Variants in MCM9 observed in about 807,000 individuals in gnomAD.
MCM9 encodes the protein DNA helicase MCM9.
A neutral mutation model predicts 72.8 loss-of-function variants in MCM9; 55 were observed. The observed-to-expected ratio is 0.76, with a 90% CI of 0.61 to 0.95. The LOEUF (loss-of-function observed/expected upper bound fraction) is 0.95, where lower values mean the gene tolerates loss of function less well. Among genes scored for constraint, MCM9 ranks in the 40% least tolerant of loss-of-function variants. The pLI, the probability that MCM9 is intolerant of heterozygous loss-of-function variation, is 0.00. For missense variants in MCM9, 1,279 were observed against 1,377.0 expected, an observed-to-expected ratio of 0.93 and a Z score of 1.13; for synonymous variants, 480 against 503.4, an observed-to-expected ratio of 0.95 and a Z score of 0.62.
intron 8 of MCM9, among the ~76,000 whole-genome samples, chr6:118,882,830 T>TAA (rs199795700): frequency 9.3e-5 from 14 of 150,994 alleles, no homozygotes; most frequent in South Asian, 2.1e-4. Flanking sequence ...CAAACAACAA[T>TAA]AAAAAAAAGG....
chr6:118,933,074 C>T (rs749248789), intron 1 of MCM9, among the ~76,000 whole-genome samples: 19 of 152,214 alleles, frequency 1.2e-4, no homozygotes, highest in South Asian at 4.1e-4. Context: ...GCAAATAAAA[C>T]GAAACAGTGC....
At chr6:118,896,081 A>G (rs1283672615) in intron 8 of MCM9, among the ~76,000 whole-genome samples, 1 of 150,766 alleles carries the variant, frequency 6.6e-6, no homozygotes, top group Non-Finnish European at 1.5e-5. Context: ...GCATAAATGC[A>G]CATACATATA....
At chr6:118,831,983 T>C (rs1172765967) in intron 9 of MCM9, among the ~76,000 whole-genome samples, 3 of 152,188 alleles carry the variant, frequency 2.0e-5, no homozygotes, top group Non-Finnish European at 2.9e-5. Flanking sequence ...AACCTAGATC[T>C]GCTGGGCTCC....
chr6:118,837,426 T>A (rs562467241), intron 9 of MCM9, among the ~76,000 whole-genome samples: 2 of 152,314 alleles, frequency 1.3e-5, no homozygotes, highest in East Asian at 1.9e-4. Context: ...ATATCCTTGT[T>A]AATTTTCTGT....
chr6:118,917,523 C>T lies in MCM9; in HGVS notation c.904+38G>A, dbSNP rs1243582549. 1.9e-6 allele frequency: 3 copies of T among 1,570,318 alleles called. No homozygotes were observed. The African/African-American group carries it at 4.1e-5, about 21-fold the overall frequency. On this transcript the variant is annotated intron_variant, in intron 6 of 13. Transcript: ENST00000619706. ...TCATATTTAACCACTGAATGTAATA[C>T]CATTAATAATAATCAGTTTTAGCCC...
At chr6:118,829,657 A>G (rs781679275) in intron 9 of MCM9, among the ~76,000 whole-genome samples, 2 of 152,246 alleles carry the variant, frequency 1.3e-5, no homozygotes, top group Non-Finnish European at 2.9e-5. Context: ...CTATGTGGAT[A>G]GAAAAGATGA....
chr6:118,931,200 C>T lies in MCM9; in HGVS notation c.304+220G>A, dbSNP rs116103059. The stretch of plus-strand genomic sequence containing the variant: ...AATATATAGACACACAAGTATACTG[C>T]TGTCTCCACACATTCTCCCTCCCCT... On this transcript the variant is annotated intron_variant, in intron 3 of 13. Transcript: ENST00000619706. Among the ~76,000 whole-genome samples the T allele has an allele frequency of 3.4e-3, 522 of 152,278 alleles. 4 individuals are homozygous for T. The highest frequency in any genetic ancestry group is 0.012 in the African/African-American group (505 of 41,542).
chr6:118,861,778 T>G (rs1039903314), intron 8 of MCM9, among the ~76,000 whole-genome samples: 2 of 152,126 alleles, frequency 1.3e-5, no homozygotes, highest in South Asian at 4.1e-4. Flanking sequence ...CACTTCAGGT[T>G]GTGGACTCCA....
At chr6:118,871,344 A>T (rs565815611) in intron 8 of MCM9, among the ~76,000 whole-genome samples, 1 of 152,248 alleles carries the variant, frequency 6.6e-6, no homozygotes, top group Non-Finnish European at 1.5e-5. Flanking sequence ...AGTAAATATG[A>T]TTCCCCATAT....
chr6:118,866,291 C>A (rs992128155), intron 8 of MCM9, among the ~76,000 whole-genome samples: 14 of 152,140 alleles, frequency 9.2e-5, no homozygotes, highest in African/African-American at 3.1e-4. Flanking sequence ...ACACAGAAAC[C>A]AAAATAGAGA....
chr6:118,924,850 C>A (rs1209892520), intron 3 of MCM9, among the ~76,000 whole-genome samples: 1 of 152,122 alleles, frequency 6.6e-6, no homozygotes, highest in Non-Finnish European at 1.5e-5. Flanking sequence ...TCAAGACTAG[C>A]CTGGGCAACA....
At chr6:118,894,150 T>C in intron 8 of MCM9, 1 of 1,231,024 alleles carries the variant, frequency 8.1e-7, no homozygotes, top group Non-Finnish European at 1.0e-6. Flanking sequence ...AGGAGGAGGG[T>C]CAGAACTCGG....
At chr6:118,920,144 G>C (rs558509728) in intron 5 of MCM9, 2 of 152,340 alleles carry the variant, frequency 1.3e-5, no homozygotes, top group East Asian at 3.9e-4. Flanking sequence ...TGTTCAGGCT[G>C]AGCTTATATA....
At chr6:118,878,581 T>C (rs923367691) in intron 8 of MCM9, among the ~76,000 whole-genome samples, 3 of 152,078 alleles carry the variant, frequency 2.0e-5, no homozygotes, top group Non-Finnish European at 4.4e-5. Context: ...GAAAAGGGAA[T>C]AGAATTACAT....
chr6:118,890,366 T>C (rs945670737), intron 8 of MCM9, among the ~76,000 whole-genome samples: 1 of 152,252 alleles, frequency 6.6e-6, no homozygotes, highest in Non-Finnish European at 1.5e-5. Context: ...TCATTTGTTA[T>C]ATGGGATGAT....
chr6:118,904,398 T>C (rs1423679785), intron 8 of MCM9, among the ~76,000 whole-genome samples: 1 of 152,200 alleles, frequency 6.6e-6, no homozygotes, highest in Non-Finnish European at 1.5e-5. Context: ...AAAGTGCTCA[T>C]CTAGGCCCAG....
chr6:118,875,049 G>A (rs1157217459), intron 8 of MCM9, among the ~76,000 whole-genome samples: 3 of 152,178 alleles, frequency 2.0e-5, no homozygotes, highest in African/African-American at 7.2e-5. Context: ...GGAGGCAGAG[G>A]TTGCAGTGAG....
Position 118,893,934 on chromosome 6 carries a change from C to G in MCM9, c.1150+17716G>C, listed in dbSNP as rs1205038774. On this transcript the variant is annotated intron_variant, in intron 8 of 13. Transcript: ENST00000619706. The stretch of plus-strand genomic sequence containing the variant: ...CCGGATCGCGCCCTCCCGCCGCAGC[C>G]ACGCCTCCCCGCCGCGGCCACGCCC... 7.0e-6 allele frequency: 6 copies of G among 855,044 alleles called. No individual in the cohort carries two copies. In the Admixed American group the frequency reaches 3.8e-4, roughly 54 times the overall value. The allele number at this position is 855,044 out of a possible 1,614,324, so 53.0% of individuals were successfully genotyped here.
rs564389402 is a variant in MCM9 at position 118,840,738 on chromosome 6, C to G, written c.1326-11488G>C. Among the ~76,000 whole-genome samples, 257 of 105,112 alleles carry G rather than the reference C, an allele frequency of 2.4e-3. 2 individuals carry two copies. Among genetic ancestry groups the G allele is most frequent in the Middle Eastern group, 0.014 (3 of 208 alleles). 69.0% of individuals were successfully genotyped at this position (105,112 alleles called of 152,430 possible). A position where few individuals can be genotyped will look rare whatever the true frequency, so the allele number is the denominator to read the frequency against. On this transcript the variant is annotated intron_variant, in intron 9 of 13. Coordinates refer to ENST00000619706, the MANE Select transcript of MCM9 (RefSeq NM_017696.3). ...AGGTACATATATTCTCTCCTCCCCC[C>G]CCCCTTTTTTTTTTTTTGAGACAGG...
Sources: allele counts gnomAD v4.1 joint callset (sites outside exome capture counted in the v4.1 genomes callset), GRCh38; gene constraint gnomAD v4.1.1; transcripts MANE v1.5; gene names NCBI Gene and HGNC (gene_info 2026-07-23, HGNC 2026-07-21).